INPP4B: variants seen among roughly 807,000 people sequenced by gnomAD.
INPP4B encodes inositol polyphosphate-4-phosphatase type II B.
In INPP4B, 55 loss-of-function variants were observed where a neutral mutation model predicts 122.5. That is an observed-to-expected ratio of 0.45 (90% confidence interval 0.36 to 0.56). INPP4B has a LOEUF of 0.56. INPP4B is among the 20% of genes least tolerant of loss of function. The probability of loss-of-function intolerance (pLI) is 0.00; values close to 1 mark genes in which losing one functional copy is unlikely to be tolerated. For missense variants in INPP4B, 1,000 were observed against 1,097.7 expected (o/e 0.91, Z 1.26); for synonymous variants, 403 against 388.7 (o/e 1.04, Z -0.43).
At chr4:142,321,344 T>C (rs892819530) in intron 7 of INPP4B, among the ~76,000 whole-genome samples, 1 of 152,200 alleles carries the variant, frequency 6.6e-6, no homozygotes, top group Admixed American at 6.5e-5. Context: ...TTGAGTTCCT[T>C]GTAAATTCTA....
At chr4:142,319,146 G>T (rs1769034498) in intron 7 of INPP4B, among the ~76,000 whole-genome samples, 5 of 152,156 alleles carry the variant, frequency 3.3e-5, no homozygotes. Context: ...TGCACACTAG[G>T]CTGGCAGCAC....
Position 142,363,418 on chromosome 4 carries a change from G to A in INPP4B, c.372+39520C>T, listed in dbSNP as rs116788931. ...TATAATTATATAGAGCTATATTATT[G>A]TTACATGTGTATATATTTATATATA... On this transcript the variant is annotated intron_variant, in intron 7 of 25. Coordinates refer to ENST00000262992, the MANE Select transcript of INPP4B (RefSeq NM_001101669.3). 5.6e-3 allele frequency among the ~76,000 whole-genome samples: 847 copies of A among 151,698 alleles called. 5 individuals are homozygous for A. Among genetic ancestry groups the A allele is most frequent in the African/African-American group, 0.02 (815 of 41,364 alleles).
At chr4:142,255,272 G>A (rs1056848886) in intron 11 of INPP4B, among the ~76,000 whole-genome samples, 5 of 151,968 alleles carry the variant, frequency 3.3e-5, no homozygotes, top group African/African-American at 9.6e-5. Context: ...AAAGACCATC[G>A]AGACTAGGAA....
At chr4:142,552,139 G>T (rs1035060743) in intron 2 of INPP4B, among the ~76,000 whole-genome samples, 1 of 152,170 alleles carries the variant, frequency 6.6e-6, no homozygotes, top group Non-Finnish European at 1.5e-5. Flanking sequence ...TTTGAGTAAG[G>T]AGGCTCTTTG....
Position 142,024,650 on chromosome 4 carries a change from T to C in INPP4B, c.*4132A>G, listed in dbSNP as rs1736474706. The C allele has an allele frequency of 6.6e-6, 1 of 152,174 alleles. No individual in the cohort carries two copies. The highest frequency in any genetic ancestry group is 1.5e-5 in the Non-Finnish European group (1 of 68,022). The allele number at this position is 152,174 out of a possible 1,614,324, so 9.4% of individuals were successfully genotyped here. ...GATTTAGCATAGTGCCAGAGTGTAATTTGTTTAATGTAACAGTTTTGGTTT... is the reference window on the plus strand; with the variant it reads ...GATTTAGCATAGTGCCAGAGTGTAACTTGTTTAATGTAACAGTTTTGGTTT... On this transcript the variant is annotated 3_prime_UTR_variant, in exon 26 of 26. Coordinates refer to ENST00000262992, the MANE Select transcript of INPP4B (RefSeq NM_001101669.3).
chr4:142,154,652 A>G (rs1046211298), intron 17 of INPP4B, among the ~76,000 whole-genome samples: 1 of 152,140 alleles, frequency 6.6e-6, no homozygotes, highest in African/African-American at 2.4e-5. Context: ...AAAATCCTCA[A>G]AAGGACTCAT....
At chr4:142,382,719 T>A (rs1292390001) in intron 7 of INPP4B, among the ~76,000 whole-genome samples, 1 of 147,952 alleles carries the variant, frequency 6.8e-6, no homozygotes, top group Non-Finnish European at 1.5e-5. Context: ...TACATTTACC[T>A]GTAACCAACA....
chr4:142,369,459 C>A (rs911190580), intron 7 of INPP4B, among the ~76,000 whole-genome samples: 4 of 151,592 alleles, frequency 2.6e-5, no homozygotes, highest in Non-Finnish European at 5.9e-5. Flanking sequence ...GCCTGTAGTC[C>A]CCCGCTACTT....
chr4:142,209,971 AC>A (rs1256322121), intron 12 of INPP4B, among the ~76,000 whole-genome samples: 1 of 152,082 alleles, frequency 6.6e-6, no homozygotes, highest in Non-Finnish European at 1.5e-5. Context: ...TCAATTATTA[AC>A]TTTTATCTAA....
At chr4:142,696,066 A>T (rs77335039) in intron 2 of INPP4B, among the ~76,000 whole-genome samples, 1 of 152,138 alleles carries the variant, frequency 6.6e-6, no homozygotes, top group Admixed American at 6.5e-5. Context: ...GAAAATGTTG[A>T]GTATTGACAA....
At chr4:142,739,476 C>A (rs79465052) in intron 1 of INPP4B, among the ~76,000 whole-genome samples, 4,127 of 151,970 alleles carry the variant, frequency 0.027, 76 homozygotes, top group Middle Eastern at 0.095. Flanking sequence ...CGTGTGATAA[C>A]CATATCAGAG....
At chr4:142,281,729 T>C (rs924148591) in intron 9 of INPP4B, among the ~76,000 whole-genome samples, 189 of 152,138 alleles carry the variant, frequency 1.2e-3, no homozygotes, top group African/African-American at 4.5e-3. Flanking sequence ...CAATGAGGCA[T>C]GTACTCTGAA....
At chr4:142,615,192 A>C (rs530429056) in intron 2 of INPP4B, among the ~76,000 whole-genome samples, 1 of 152,282 alleles carries the variant, frequency 6.6e-6, no homozygotes, top group Non-Finnish European at 1.5e-5. Flanking sequence ...CGAGGAACAC[A>C]ATCTGAAGAG....
rs1269684729 is a variant in INPP4B at position 142,023,399 on chromosome 4, A to ATGTT, written c.*5379_*5382dup. ...AGTACCACAAAAACCTAAAAGTTAA[A>ATGTT]TGTTAGATTAAATAAAATTATAAAA... On this transcript the variant is annotated 3_prime_UTR_variant, in exon 26 of 26. Transcript: ENST00000262992. 2.0e-5 allele frequency: 3 copies of ATGTT among 152,214 alleles called. No homozygotes were observed. Among genetic ancestry groups the ATGTT allele is most frequent in the Non-Finnish European group, 4.4e-5 (3 of 68,024 alleles). The allele number at this position is 152,214 out of a possible 1,614,324, so 9.4% of individuals were successfully genotyped here.
intron 12 of INPP4B, among the ~76,000 whole-genome samples, chr4:142,209,842 T>C (rs1424648339): frequency 6.7e-6 from 1 of 150,280 alleles, no homozygotes; most frequent in Admixed American, 6.6e-5. Flanking sequence ...TAAATGGTAT[T>C]GTCACGTATG....
chr4:142,062,983 A>T (rs1295980231), intron 25 of INPP4B, among the ~76,000 whole-genome samples: 1 of 152,198 alleles, frequency 6.6e-6, no homozygotes, highest in African/African-American at 2.4e-5. Flanking sequence ...TTTTTGTTTA[A>T]CGTTGAAATA....
In INPP4B at chr4:142,590,881, C is replaced by CAA. The variant is rs59459819; in HGVS notation, c.-190-128157_-190-128156dup. On this transcript the variant is annotated intron_variant, in intron 2 of 25. Transcript: ENST00000262992. ...TCTTGGTTCTTCTAATATCATTCTCCAAAAAAAAAAAAAAAAAAACAAAAG... is the reference window on the plus strand; with the variant it reads ...TCTTGGTTCTTCTAATATCATTCTCCAAAAAAAAAAAAAAAAAAAAACAAAAG... Among the ~76,000 whole-genome samples the CAA allele has an allele frequency of 1.5e-3, 140 of 93,610 alleles. 1 individual carries two copies. Among genetic ancestry groups the CAA allele is most frequent in the South Asian group, 5.7e-3 (16 of 2,820 alleles). 61.4% of individuals were successfully genotyped at this position (93,610 alleles called of 152,430 possible).
intron 2 of INPP4B, among the ~76,000 whole-genome samples, chr4:142,677,408 G>A (rs1171338024): frequency 6.6e-6 from 1 of 152,024 alleles, no homozygotes; most frequent in Non-Finnish European, 1.5e-5. Context: ...GTGTAAATTA[G>A]TTCAACTATT....
At chr4:142,653,067 C>T (rs1382810449) in intron 2 of INPP4B, among the ~76,000 whole-genome samples, 3 of 152,118 alleles carry the variant, frequency 2.0e-5, no homozygotes, top group Non-Finnish European at 2.9e-5. Flanking sequence ...AGAAATAACA[C>T]CACACATCTA....
Sources: allele counts gnomAD v4.1 joint callset (sites outside exome capture counted in the v4.1 genomes callset), GRCh38; gene constraint gnomAD v4.1.1; transcripts MANE v1.5; gene names NCBI Gene and HGNC (gene_info 2026-07-23, HGNC 2026-07-21).